CARMIL2: variants seen among roughly 807,000 people sequenced by gnomAD.
The protein encoded by CARMIL2 is capping protein, Arp2/3 and myosin-I linker protein 2.
A neutral mutation model predicts 173.3 loss-of-function variants in CARMIL2; 96 were observed. The ratio of observed to expected loss-of-function variants is 0.55; its 90% CI spans 0.47 to 0.66. CARMIL2 has a LOEUF of 0.66. CARMIL2 is among the 30% of genes least tolerant of loss of function. CARMIL2 has a pLI of 0.00. For synonymous variants in CARMIL2, 830 were observed against 817.1 expected (o/e 1.02, Z -0.27); for missense variants, 1,771 against 1,906.7 (o/e 0.93, Z 1.33).
Position 67,648,655 on chromosome 16 carries a change from C to T in CARMIL2, c.1440-30C>T, listed in dbSNP as rs2052649348. On this transcript the variant is annotated intron_variant, in intron 15 of 37. Transcript: ENST00000334583. The surrounding 1 kb of genome is among the most constrained non-coding windows in gnomAD (Gnocchi z 6.1). The stretch of plus-strand genomic sequence containing the variant: ...CACCCTGGAGCCCCCTGTCCCAGCT[C>T]CCGCCACCCCGTGTAACGTCCTCTC... 1 of 1,586,420 alleles carries T rather than the reference C, an allele frequency of 6.3e-7. No individual in the cohort carries two copies. The highest frequency in any genetic ancestry group is 2.3e-5 in the East Asian group (1 of 43,350).
At position 67,648,624 on chromosome 16, in the gene CARMIL2, C is replaced by T. The variant is rs2052648574; in HGVS notation, c.1440-61C>T. The stretch of plus-strand genomic sequence containing the variant: ...CCCCAGATCCTGGCCCTGCCTCCTT[C>T]GTTCGCACCCTGGAGCCCCCTGTCC... On this transcript the variant is annotated intron_variant, in intron 15 of 37. Transcript: ENST00000334583. This position sits in a 1 kb window ranked among gnomAD's most constrained non-coding sequence, Gnocchi z 6.1. The T allele has an allele frequency of 6.5e-7, 1 of 1,531,396 alleles. No homozygotes were observed. The highest frequency in any genetic ancestry group is 8.9e-7 in the Non-Finnish European group (1 of 1,126,100). 94.9% of individuals were successfully genotyped at this position (1,531,396 alleles called of 1,614,324 possible). A position where few individuals can be genotyped will look rare whatever the true frequency, so the allele number is the denominator to read the frequency against.
At chr16:67,656,968 G>A in intron 36 of CARMIL2, 87 bp downstream of exon 36, 19 of 1,108,306 alleles carry the variant, frequency 1.7e-5, no homozygotes, top group Non-Finnish European at 2.4e-5. Flanking sequence ...TTTGGTCCTT[G>A]GAGGGAGCCA....
intron 29 of CARMIL2, 60 bp from the exon 30 acceptor site, chr16:67,654,089 G>GC: frequency 2.7e-6 from 3 of 1,110,556 alleles, no homozygotes; most frequent in Non-Finnish European, 3.8e-6. Flanking sequence ...CCGGGGGGGG[G>GC]GGGGGGTAGA....
intron 8 of CARMIL2, 66 bp downstream of exon 8, chr16:67,647,039 C>G: frequency 6.2e-7 from 1 of 1,607,620 alleles, no homozygotes; most frequent in South Asian, 1.1e-5. Flanking sequence ...GCCTCAGTTT[C>G]TCCATGGAGG....
At position 67,654,090 on chromosome 16, in the gene CARMIL2, G is replaced by A. The variant is rs868437447; in HGVS notation, c.3121-59G>A. 25 of 1,105,462 alleles carry A rather than the reference G, an allele frequency of 2.3e-5. 1 individual carries two copies. Among genetic ancestry groups the A allele is most frequent in the East Asian group, 2.8e-5 (1 of 36,234 alleles). 68.5% of individuals were successfully genotyped at this position (1,105,462 alleles called of 1,614,324 possible). ...GTCCAGGCTGCCGGCCGGGGGGGGG[G>A]GGGGGTAGAAGCCAGAGTTGCACTC... On this transcript the variant is annotated intron_variant, in intron 29 of 37. Transcript: ENST00000334583.
At position 67,652,640 on chromosome 16, in the gene CARMIL2, G is replaced by C; in HGVS notation, c.2884+102G>C. 8.6e-7 allele frequency: 1 copy of C among 1,156,682 alleles called. No individual in the cohort carries two copies. Among genetic ancestry groups the C allele is most frequent in the Non-Finnish European group, 1.3e-6 (1 of 798,940 alleles). The allele number at this position is 1,156,682 out of a possible 1,614,324, so 71.7% of individuals were successfully genotyped here. A position where few individuals can be genotyped will look rare whatever the true frequency, so the allele number is the denominator to read the frequency against. On this transcript the variant is annotated intron_variant, in intron 28 of 37. Coordinates refer to ENST00000334583, the MANE Select transcript of CARMIL2 (RefSeq NM_001013838.3). The surrounding 1 kb of genome is among the most constrained non-coding windows in gnomAD (Gnocchi z 4.7). Reference sequence around the variant, plus strand: ...GATGAACTCATTCAGCCTTGTCTGGGTACCCACCAGCCCTTGACTGGGCCA... The same window carrying C: ...GATGAACTCATTCAGCCTTGTCTGGCTACCCACCAGCCCTTGACTGGGCCA...
At chr16:67,655,545 G>T (rs1469401604) in intron 32 of CARMIL2, among the ~76,000 whole-genome samples, 2 of 152,232 alleles carry the variant, frequency 1.3e-5, no homozygotes, top group Admixed American at 6.5e-5. Flanking sequence ...AGAGCCCTGT[G>T]GGGTCTTGGC....
In CARMIL2 at chr16:67,649,684, T is replaced by C. The variant is rs2142926149; in HGVS notation, c.1919+65T>C. 2.6e-6 allele frequency: 4 copies of C among 1,558,750 alleles called. No homozygotes were observed. Among genetic ancestry groups the C allele is most frequent in the South Asian group, 2.4e-5 (2 of 84,348 alleles). ...CGCGGTGGAGAGGAGGGCACCGGGCTAAGGGGAGGGACTGAATGAGGCGGA... is the reference window on the plus strand; with the variant it reads ...CGCGGTGGAGAGGAGGGCACCGGGCCAAGGGGAGGGACTGAATGAGGCGGA... On this transcript the variant is annotated intron_variant, in intron 20 of 37. Coordinates refer to ENST00000334583, the MANE Select transcript of CARMIL2 (RefSeq NM_001013838.3). This position sits in a 1 kb window ranked among gnomAD's most constrained non-coding sequence, Gnocchi z 6.7.
rs1243753457 is a variant in CARMIL2 at position 67,652,299 on chromosome 16, G to T, written c.2777G>T (p.Gly926Val). 2 of 1,613,316 alleles carry T rather than the reference G, an allele frequency of 1.2e-6. No individual in the cohort carries two copies. Among genetic ancestry groups the T allele is most frequent in the African/African-American group, 1.3e-5 (1 of 75,012 alleles). ...PSLLEPGELE[G>V]LFFPEEKEEE... ...CTCCTTGAGCCTGGGGAATTGGAAG[G>T]TCTTTTCTTCCCCGAGGAGAAGGAA... Residue 926 changes from glycine (G) to valine (V), a missense_variant, in exon 27 of 38, where the codon GGT becomes GTT. Physicochemically the swap from Gly to Val is moderately radical, Grantham distance 109 (BLOSUM62 -3). Transcript: ENST00000334583. This position sits in a 1 kb window ranked among gnomAD's most constrained non-coding sequence, Gnocchi z 4.7.
intron 32 of CARMIL2, among the ~76,000 whole-genome samples, chr16:67,655,757 T>G (rs547450703): frequency 2.0e-5 from 3 of 152,182 alleles, no homozygotes; most frequent in Non-Finnish European, 4.4e-5. Flanking sequence ...CTAATGTCTC[T>G]CTCATTAGAG....
rs1340354834 is a variant in CARMIL2 at position 67,657,508 on chromosome 16, C to T, written c.4298C>T (p.Pro1433Leu). The T allele has an allele frequency of 6.2e-7, 1 of 1,613,202 alleles. No homozygotes were observed. Among genetic ancestry groups the T allele is most frequent in the Non-Finnish European group, 8.5e-7 (1 of 1,179,584 alleles). Reference protein sequence around the residue: ...SPATDQRGGGPNP With the variant: ...SPATDQRGGGLNP Reference sequence around the variant, plus strand: ...GCCACAGACCAAAGAGGCGGCGGCCCCAATCCCTGATCCTCTCCTCTCCTG... The same window carrying T: ...GCCACAGACCAAAGAGGCGGCGGCCTCAATCCCTGATCCTCTCCTCTCCTG... The change falls in exon 38 of 38, where the codon CCC (proline) becomes CTC (leucine). Residue 1433 changes from proline (P) to leucine (L), a missense_variant. Pro to Leu is a moderately conservative substitution (Grantham distance 98). Around this residue, in one of 3 missense-constraint regions of CARMIL2, gnomAD observed 817 missense variants for 903.5 expected, o/e 0.90. Coordinates refer to ENST00000334583, the MANE Select transcript of CARMIL2 (RefSeq NM_001013838.3). This position sits in a 1 kb window ranked among gnomAD's most constrained non-coding sequence, Gnocchi z 4.5.
Position 67,651,616 on chromosome 16 carries a change from T to A in CARMIL2, c.2428-69T>A. ...CCCCTGACTCAATATTCTGTTGGAG[T>A]TGGAGCCTCAAGCCAGCAGCCTGGT... On this transcript the variant is annotated intron_variant, in intron 24 of 37. Transcript: ENST00000334583. The surrounding 1 kb of genome is among the most constrained non-coding windows in gnomAD (Gnocchi z 4.2). 1 of 1,575,694 alleles carries A rather than the reference T, an allele frequency of 6.3e-7. No individual in the cohort carries two copies. The highest frequency in any genetic ancestry group is 8.6e-7 in the Non-Finnish European group (1 of 1,161,360).
Position 67,656,500 on chromosome 16 carries a change from T to C in CARMIL2, c.3891T>C (p.Asn1297=), listed in dbSNP as rs763991231. The change falls in exon 35 of 38, where the codon AAT becomes AAC. Residue 1297 remains asparagine, a synonymous_variant. Coordinates refer to ENST00000334583, the MANE Select transcript of CARMIL2 (RefSeq NM_001013838.3). ...GGAAGACACTGGGGCAGCAGTTGAA[T>C]GCGGAGCTCAGGAGCCGTGGTTGGG... ...ATWKTLGQQL[N]AELRSRGWGQ... 1.2e-6 allele frequency: 2 copies of C among 1,613,298 alleles called. No individual in the cohort carries two copies. Among genetic ancestry groups the C allele is most frequent in the East Asian group, 4.5e-5 (2 of 44,872 alleles).
chr16:67,656,634 C>CAAG lies in CARMIL2; in HGVS notation c.4025_4026insAAG (p.Pro1342_Arg1343insSer). On this transcript the variant is annotated inframe_insertion, in exon 35 of 38. Coordinates refer to ENST00000334583, the MANE Select transcript of CARMIL2 (RefSeq NM_001013838.3). The stretch of plus-strand genomic sequence containing the variant: ...CTCCCAGAGGACCCTTGCTTGGGCC[C>CAAG]CAGAAATGAAGGTAGGCAGGCACCT... The CAAG allele has an allele frequency of 1.9e-6, 3 of 1,590,010 alleles. No individual in the cohort carries two copies. The African/African-American group carries it at 4.1e-5, about 21-fold the overall frequency.
rs1157945628 is a variant in CARMIL2, at chr16:67,649,588, G to A, written c.1888G>A (p.Ala630Thr). ...GGGGGACGCGGGCGCCAAGTTGCTGGCCAAGGCGCTGCGGGTCAACTCGAG... is the reference window on the plus strand; with the variant it reads ...GGGGGACGCGGGCGCCAAGTTGCTGACCAAGGCGCTGCGGGTCAACTCGAG... ...AMGDAGAKLL[A>T]KALRVNSRLR... The change falls in exon 20 of 38, where the codon GCC becomes ACC. Residue 630 changes from alanine (A) to threonine (T), a missense_variant. Transcript: ENST00000334583. The surrounding 1 kb of genome is among the most constrained non-coding windows in gnomAD (Gnocchi z 6.7). 1.3e-6 allele frequency: 2 copies of A among 1,599,118 alleles called. No homozygotes were observed. The highest frequency in any genetic ancestry group is 2.2e-5 in the East Asian group (1 of 44,832).
Position 67,648,283 on chromosome 16 carries a change from C to A in CARMIL2, c.1303C>A (p.Leu435Ile). 1 of 1,595,306 alleles carries A rather than the reference C, an allele frequency of 6.3e-7. No homozygotes were observed. The highest frequency in any genetic ancestry group is 8.5e-7 in the Non-Finnish European group (1 of 1,176,694). Residue 435 changes from leucine to isoleucine, a missense_variant, in exon 14 of 38, where the codon CTC becomes ATC. By Grantham distance (5) the Leu-to-Ile change is conservative. This residue lies in a region of CARMIL2 where 944 missense variants were observed against 975.6 expected (regional missense o/e 0.97). Transcript: ENST00000334583. The surrounding 1 kb of genome is among the most constrained non-coding windows in gnomAD (Gnocchi z 6.1). Reference sequence around the variant, plus strand: ...AGGCTGCTGCACCAGCCTTACCCACCTCGACGCTTCGAGGAACGTCTTCTC... The same window carrying A: ...AGGCTGCTGCACCAGCCTTACCCACATCGACGCTTCGAGGAACGTCTTCTC... ...SRGCCTSLTH[L>I]DASRNVFSRT...
rs1227180411 is a variant in CARMIL2 at position 67,653,092 on chromosome 16, G to T, written c.2958G>T (p.Pro986=). The part of the protein sequence containing the change: ...PGEDAEPQAG[P]SARGSPSPAA... ...AAGATGCAGAGCCGCAGGCGGGGCC[G>T]TCCGCGCGCGGCTCTCCGAGCCCTG... is the stretch of plus-strand genomic sequence containing the variant. The change falls in exon 29 of 38, where the codon CCG becomes CCT. Residue 986 remains proline (P), a synonymous_variant. Transcript: ENST00000334583. This position sits in a 1 kb window ranked among gnomAD's most constrained non-coding sequence, Gnocchi z 7.4. 1.7e-6 allele frequency: 2 copies of T among 1,211,098 alleles called. No homozygotes were observed. Among genetic ancestry groups the T allele is most frequent in the Non-Finnish European group, 2.1e-6 (2 of 966,584 alleles). 75.0% of individuals were successfully genotyped at this position (1,211,098 alleles called of 1,614,324 possible). A position where few individuals can be genotyped will look rare whatever the true frequency, so the allele number is the denominator to read the frequency against.
intron 1 of CARMIL2, 75 bp downstream of exon 1, chr16:67,645,361 C>A: frequency 6.7e-7 from 1 of 1,497,972 alleles, no homozygotes; most frequent in African/African-American, 1.4e-5. Context: ...CCACCCAGCG[C>A]CCCAGAGGGC....
chr16:67,653,841 C>G lies in CARMIL2; in HGVS notation c.3121-308C>G, dbSNP rs929165915. 5.9e-5 allele frequency among the ~76,000 whole-genome samples: 9 copies of G among 152,016 alleles called. No individual in the cohort carries two copies. The highest frequency in any genetic ancestry group is 1.2e-4 in the Non-Finnish European group (8 of 67,972). On this transcript the variant is annotated intron_variant, in intron 29 of 37. Transcript: ENST00000334583. The surrounding 1 kb of genome is among the most constrained non-coding windows in gnomAD (Gnocchi z 7.4). ...GAGCAGAGCTGGTGGCAAGTGGGAA[C>G]GGGTGACCCCGGGGGCACGTGAGGG...
Sources: gnomAD v4.1 joint callset for allele counts (sites outside exome capture counted in the v4.1 genomes callset) on GRCh38, gnomAD v4.1.1 for gene constraint, gnomAD v4.1.1 regional missense constraint, Gnocchi (gnomAD v3.1) non-coding constraint, MANE v1.5 for transcripts, NCBI Gene and HGNC (gene_info 2026-07-23, HGNC 2026-07-21) for gene names.